SHANK2: variants seen among roughly 807,000 people sequenced by gnomAD.
SHANK2 encodes SH3 and multiple ankyrin repeat domains 2.
In SHANK2, 43 loss-of-function variants were observed where a neutral mutation model predicts 133.7. The ratio of observed to expected loss-of-function variants is 0.32; its 90% CI spans 0.25 to 0.41. The LOEUF is 0.41. Ranked by LOEUF, SHANK2 falls within the 10% of genes least tolerant of loss-of-function variation. SHANK2 has a pLI of 1.00. For missense variants in SHANK2, 1,994 were observed against 2,235.8 expected, an observed-to-expected ratio of 0.89 and a Z score of 2.18; for synonymous variants, 1,017 against 952.8, an observed-to-expected ratio of 1.07 and a Z score of -1.24.
chr11:70,485,964 G>A lies in SHANK2; in HGVS notation c.4329C>T (p.Ser1443=), dbSNP rs374110699. Residue 1443 remains serine, a synonymous_variant, in exon 25 of 26, where the codon AGC becomes AGT. Coordinates refer to ENST00000601538, the MANE Select transcript of SHANK2 (RefSeq NM_012309.5). This position sits in a 1 kb window ranked among gnomAD's most constrained non-coding sequence, Gnocchi z 5.8. ...TCAACGAAGGGGACTGAGGGGTGTC[G>A]CTTTTCTTCTGCTTCACTAAGTCTG... is the stretch of plus-strand genomic sequence containing the variant. ...ALSDLVKQKK[S]DTPQSPSLNS... 3.6e-5 allele frequency: 58 copies of A among 1,613,990 alleles called. No individual in the cohort carries two copies. Among genetic ancestry groups the A allele is most frequent in the South Asian group, 5.5e-5 (5 of 91,088 alleles).
chr11:70,888,600 G>A (rs627686), intron 11 of SHANK2, among the ~76,000 whole-genome samples: 137,125 of 152,026 alleles, frequency 0.9, 62,875 homozygotes, highest in Non-Finnish European at 0.98. Context: ...GTGGATCACC[G>A]GAGGTCAGGA....
At chr11:71,165,225 G>A (rs577347965) in intron 2 of SHANK2, among the ~76,000 whole-genome samples, 1 of 151,966 alleles carries the variant, frequency 6.6e-6, no homozygotes, top group Admixed American at 6.6e-5. Context: ...TAGAGACGGG[G>A]GTCTCACCAT....
chr11:70,695,095 G>A lies in SHANK2; in HGVS notation c.1853+3593C>T, dbSNP rs187857509. On this transcript the variant is annotated intron_variant, in intron 15 of 25. Transcript: ENST00000601538. ...TACGTCAGGATTCCACTCATCTGAG[G>A]TTCCTAGAGTCATCAAATTCATAGA... Among the ~76,000 whole-genome samples, 69 of 152,282 alleles carry A rather than the reference G, an allele frequency of 4.5e-4. No homozygotes were observed. In the Middle Eastern group the frequency reaches 0.017, roughly 38 times the overall value.
At chr11:70,653,377 C>G (rs1468454231) in intron 17 of SHANK2, among the ~76,000 whole-genome samples, 1 of 152,074 alleles carries the variant, frequency 6.6e-6, no homozygotes, top group East Asian at 1.9e-4. Flanking sequence ...AGCTTGGTTG[C>G]AAAGTCAAAC....
chr11:70,740,670 C>T (rs1357357753), intron 14 of SHANK2, among the ~76,000 whole-genome samples: 3 of 152,116 alleles, frequency 2.0e-5, no homozygotes, highest in South Asian at 2.1e-4. Flanking sequence ...CATGATTACC[C>T]GGGGTCTTTT....
chr11:70,630,409 T>C (rs936187209), intron 17 of SHANK2, among the ~76,000 whole-genome samples: 1 of 152,168 alleles, frequency 6.6e-6, no homozygotes, highest in Non-Finnish European at 1.5e-5. Context: ...GCGGACAAAG[T>C]GGCATCTCTA....
chr11:70,576,969 T>G (rs1191943704), intron 17 of SHANK2, among the ~76,000 whole-genome samples: 1 of 152,198 alleles, frequency 6.6e-6, no homozygotes, highest in Non-Finnish European at 1.5e-5. Context: ...TATCACGCAG[T>G]TAGCGGAAGG....
intron 17 of SHANK2, among the ~76,000 whole-genome samples, chr11:70,582,241 T>A (rs910810432): frequency 1.3e-5 from 2 of 152,214 alleles, no homozygotes; most frequent in Admixed American, 1.3e-4. Flanking sequence ...GGGCCTGGCA[T>A]TGGCACCAGC....
chr11:71,222,218 C>A (rs1555121317), intron 2 of SHANK2, among the ~76,000 whole-genome samples: 1 of 151,364 alleles, frequency 6.6e-6, no homozygotes, highest in African/African-American at 2.4e-5. Flanking sequence ...CCCAAGGTCA[C>A]CAACTGTGTG....
intron 8 of SHANK2, among the ~76,000 whole-genome samples, chr11:71,091,022 A>T (rs75901718): frequency 0.95 from 144,951 of 152,318 alleles, 69,015 homozygotes; most frequent in African/African-American, 0.96. Flanking sequence ...CTCAGCAACA[A>T]CTAGAATATT....
At chr11:71,202,171 T>G (rs1193518006) in intron 2 of SHANK2, among the ~76,000 whole-genome samples, 1 of 152,194 alleles carries the variant, frequency 6.6e-6, no homozygotes, top group Non-Finnish European at 1.5e-5. Context: ...CTTTAAGGCA[T>G]CTGCATGGGC....
intron 17 of SHANK2, among the ~76,000 whole-genome samples, chr11:70,561,779 C>T (rs782332770): frequency 2.0e-5 from 3 of 152,062 alleles, no homozygotes; most frequent in Non-Finnish European, 2.9e-5. Context: ...AGGTGATCCT[C>T]CCATCTTGGT....
intron 7 of SHANK2, among the ~76,000 whole-genome samples, chr11:71,093,999 G>A (rs536630178): frequency 6.6e-6 from 1 of 152,240 alleles, no homozygotes; most frequent in African/African-American, 2.4e-5. Context: ...GCAGGGGAAG[G>A]TGAGGCGCGG....
intron 2 of SHANK2, among the ~76,000 whole-genome samples, chr11:71,151,970 A>G (rs75693272): frequency 0.035 from 5,296 of 152,276 alleles, 138 homozygotes; most frequent in East Asian, 0.16. Flanking sequence ...TGTGGTCCCC[A>G]AATCAGCCAG....
At chr11:70,636,373 ATG>A (rs1350616000) in intron 17 of SHANK2, among the ~76,000 whole-genome samples, 1 of 119,534 alleles carries the variant, frequency 8.4e-6, no homozygotes. Context: ...GTGTGTATGA[ATG>A]TGAGTCTGTG....
chr11:71,131,235 G>A (rs1347861020), intron 3 of SHANK2, among the ~76,000 whole-genome samples: 1 of 152,202 alleles, frequency 6.6e-6, no homozygotes, highest in East Asian at 1.9e-4. Flanking sequence ...AGGCCCATTG[G>A]GCTGGTGCTC....
chr11:70,645,390 G>A (rs1378570364), intron 17 of SHANK2, among the ~76,000 whole-genome samples: 3 of 152,020 alleles, frequency 2.0e-5, no homozygotes, highest in Admixed American at 6.6e-5. Context: ...TGGGCACACA[G>A]CCTGTTCTCC....
rs143627914 is a variant in SHANK2, at chr11:70,835,580, T to C, written c.1175-14898A>G. ...CTGGGGCCAGGGTGATCTTGCACCA[T>C]GAGAAGAGATGTCCAGTCCCTGGGA... is the stretch of plus-strand genomic sequence containing the variant. On this transcript the variant is annotated intron_variant, in intron 11 of 25. Coordinates refer to ENST00000601538, the MANE Select transcript of SHANK2 (RefSeq NM_012309.5). 5.5e-3 allele frequency among the ~76,000 whole-genome samples: 839 copies of C among 152,162 alleles called. 4 individuals are homozygous for C. Among genetic ancestry groups the C allele is most frequent in the Non-Finnish European group, 7.7e-3 (522 of 67,994 alleles).
intron 14 of SHANK2, among the ~76,000 whole-genome samples, chr11:70,732,891 T>G (rs529769119): frequency 6.6e-6 from 1 of 152,308 alleles, no homozygotes; most frequent in South Asian, 2.1e-4. Flanking sequence ...GACTCTCTGT[T>G]TTGCTTCCGG....
Sources: gnomAD v4.1 joint callset for allele counts (sites outside exome capture counted in the v4.1 genomes callset) on GRCh38, gnomAD v4.1.1 for gene constraint, Gnocchi (gnomAD v3.1) non-coding constraint, MANE v1.5 for transcripts, NCBI Gene and HGNC (gene_info 2026-07-23, HGNC 2026-07-21) for gene names.